Variants in GABRA4 observed in about 807,000 individuals in gnomAD.
GABRA4 encodes gamma-aminobutyric acid receptor subunit alpha-4.
In GABRA4, 12 loss-of-function variants were observed where a neutral mutation model predicts 49.7. The observed-to-expected ratio is 0.24, with a 90% CI of 0.15 to 0.39. The LOEUF (loss-of-function observed/expected upper bound fraction) is 0.39. Among genes scored for constraint, GABRA4 ranks in the 10% least tolerant of loss-of-function variants. The pLI is 1.00. For missense variants in GABRA4, 506 were observed against 686.0 expected (o/e 0.74, Z 2.93); for synonymous variants, 288 against 240.2 (o/e 1.20, Z -1.84).
chr4:46,940,313 C>A (rs1019939414), intron 8 of GABRA4, among the ~76,000 whole-genome samples: 1 of 152,174 alleles, frequency 6.6e-6, no homozygotes, highest in East Asian at 1.9e-4. Flanking sequence ...TCAGCTCCAT[C>A]TGTAGCCCAG....
At chr4:46,975,051 G>C (rs1723091231) in intron 5 of GABRA4, among the ~76,000 whole-genome samples, 1 of 151,898 alleles carries the variant, frequency 6.6e-6, no homozygotes, top group Admixed American at 6.6e-5. Context: ...TCTCCCGGTG[G>C]CAATTTAAGC....
At chr4:46,948,698 A>G (rs1259183239) in intron 8 of GABRA4, among the ~76,000 whole-genome samples, 1 of 152,096 alleles carries the variant, frequency 6.6e-6, no homozygotes, top group East Asian at 1.9e-4. Context: ...GTCTCTCCCC[A>G]GTAAAAGTCC....
chr4:46,967,048 A>C (rs1474154950), intron 7 of GABRA4, among the ~76,000 whole-genome samples: 1 of 151,756 alleles, frequency 6.6e-6, no homozygotes, highest in Non-Finnish European at 1.5e-5. Context: ...ACAATAAAAT[A>C]ACTGAAAATT....
intron 2 of GABRA4, among the ~76,000 whole-genome samples, chr4:46,989,788 T>C (rs1365200688): frequency 6.6e-6 from 1 of 152,216 alleles, no homozygotes; most frequent in Non-Finnish European, 1.5e-5. Flanking sequence ...AGCAGGATTA[T>C]AGGAACCAGG....
intron 2 of GABRA4, among the ~76,000 whole-genome samples, chr4:46,987,284 C>G (rs1723576079): frequency 6.6e-6 from 1 of 152,114 alleles, no homozygotes; most frequent in Non-Finnish European, 1.5e-5. Flanking sequence ...AAGACTCCAT[C>G]CCAAATGTGG....
Position 46,920,310 on chromosome 4 carries a change from T to G in GABRA4, c.*7915A>C, listed in dbSNP as rs562534986. On this transcript the variant is annotated 3_prime_UTR_variant, in exon 9 of 9. Coordinates refer to ENST00000264318, the MANE Select transcript of GABRA4 (RefSeq NM_000809.4). The stretch of plus-strand genomic sequence containing the variant: ...ATAATATTATGCAATTGGTAATATC[T>G]TATATTGCCAACAACATAACTTTGT... 2.0e-5 allele frequency: 3 copies of G among 151,694 alleles called. No homozygotes were observed. The highest frequency in any genetic ancestry group is 4.4e-5 in the Non-Finnish European group (3 of 67,656). 9.4% of individuals were successfully genotyped at this position (151,694 alleles called of 1,614,324 possible).
intron 8 of GABRA4, among the ~76,000 whole-genome samples, chr4:46,940,149 C>T (rs10018276): frequency 0.1 from 15,773 of 152,024 alleles, 962 homozygotes; most frequent in South Asian, 0.23. Context: ...TGATGTTCTT[C>T]TACAAGAGGA....
At chr4:46,981,090 G>A (rs1202998263) in intron 2 of GABRA4, among the ~76,000 whole-genome samples, 1 of 152,024 alleles carries the variant, frequency 6.6e-6, no homozygotes, top group Non-Finnish European at 1.5e-5. Flanking sequence ...CTAGGCATAA[G>A]GTGCGGCCTC....
intron 2 of GABRA4, among the ~76,000 whole-genome samples, chr4:46,989,190 A>G (rs956435421): frequency 1.3e-5 from 2 of 152,224 alleles, no homozygotes; most frequent in Non-Finnish European, 1.5e-5. Flanking sequence ...ACCCTTCAAT[A>G]AACGGAAAAT....
rs550019853 is a variant in GABRA4, at chr4:46,971,324, G to A, written c.722-89C>T. On this transcript the variant is annotated intron_variant, in intron 6 of 8. Transcript: ENST00000264318. ...AAACATATTTCAGACTAACAAACAG[G>A]ATTCTAAGGAAAGAAATTCTCTTTT... The A allele has an allele frequency of 3.4e-6, 4 of 1,180,706 alleles. No individual in the cohort carries two copies. The South Asian group carries it at 4.0e-5, about 12-fold the overall frequency. The allele number at this position is 1,180,706 out of a possible 1,614,324, so 73.1% of individuals were successfully genotyped here.
chr4:46,968,767 A>C (rs1722852680), intron 7 of GABRA4, among the ~76,000 whole-genome samples: 1 of 151,534 alleles, frequency 6.6e-6, no homozygotes, highest in South Asian at 2.1e-4. Context: ...AGCCTTCCCC[A>C]CACCACTGGA....
At chr4:46,982,977 A>T (rs1228134630) in intron 2 of GABRA4, among the ~76,000 whole-genome samples, 1 of 152,032 alleles carries the variant, frequency 6.6e-6, no homozygotes, top group Non-Finnish European at 1.5e-5. Context: ...ATTACTATTT[A>T]TTGAAGATGA....
At chr4:46,977,019 G>T (rs1326637613) in intron 5 of GABRA4, 42 bp downstream of exon 5, 1 of 1,068,428 alleles carries the variant, frequency 9.4e-7, no homozygotes, top group Non-Finnish European at 1.4e-6. Flanking sequence ...TAGCTTGCAT[G>T]AGGTAATCAT....
intron 8 of GABRA4, among the ~76,000 whole-genome samples, chr4:46,964,436 A>G (rs1272459833): frequency 6.6e-6 from 1 of 151,872 alleles, no homozygotes; most frequent in African/African-American, 2.4e-5. Flanking sequence ...TTGTAACTCA[A>G]ATAATAAATA....
chr4:46,929,552 AT>A (rs1721354580), intron 8 of GABRA4, among the ~76,000 whole-genome samples: 2 of 152,112 alleles, frequency 1.3e-5, no homozygotes, highest in African/African-American at 4.8e-5. Context: ...ACAAGATTAT[AT>A]TTGAAGAAAG....
At chr4:46,936,492 C>A (rs1042597132) in intron 8 of GABRA4, among the ~76,000 whole-genome samples, 10 of 152,054 alleles carry the variant, frequency 6.6e-5, no homozygotes, top group African/African-American at 2.2e-4. Context: ...TCAGGTGATC[C>A]GCCCACCTCG....
intron 2 of GABRA4, among the ~76,000 whole-genome samples, chr4:46,988,877 C>T (rs1723637336): frequency 6.6e-6 from 1 of 152,112 alleles, no homozygotes; most frequent in Admixed American, 6.5e-5. Flanking sequence ...TGTGACTTCA[C>T]CAAGGAGTAG....
At chr4:46,934,081 A>C (rs1200368102) in intron 8 of GABRA4, among the ~76,000 whole-genome samples, 2 of 152,214 alleles carry the variant, frequency 1.3e-5, no homozygotes, top group African/African-American at 4.8e-5. Context: ...GGTCTGCAGA[A>C]TGCACACAGC....
intron 2 of GABRA4, 111 bp downstream of exon 2, chr4:46,992,717 G>T: frequency 1.2e-6 from 1 of 811,948 alleles, no homozygotes; most frequent in Non-Finnish European, 2.2e-6. Flanking sequence ...AAGAGAGAGA[G>T]ATTTATTTTT....
Sources: allele counts gnomAD v4.1 joint callset (sites outside exome capture counted in the v4.1 genomes callset), GRCh38; gene constraint gnomAD v4.1.1; transcripts MANE v1.5; gene names NCBI Gene and HGNC (gene_info 2026-07-23, HGNC 2026-07-21).